The following PCMTD2 variants were observed in gnomAD, a reference collection of about 807,000 sequenced individuals.
PCMTD2 encodes protein-L-isoaspartate O-methyltransferase domain-containing protein 2.
In PCMTD2, 16 loss-of-function variants were observed where a neutral mutation model predicts 33.4. That is an observed-to-expected ratio of 0.48 (90% CI 0.32 to 0.73). The LOEUF is 0.73. Ranked by LOEUF, PCMTD2 falls within the 30% of genes least tolerant of loss-of-function variation. PCMTD2 has a pLI of 0.03. For missense variants in PCMTD2, 374 were observed against 449.9 expected (o/e 0.83, Z 1.53); for synonymous variants, 161 against 160.8 (o/e 1.00, Z -0.01).
In PCMTD2 at chr20:64,271,965, C is replaced by T. The variant is rs1227182072; in HGVS notation, c.707-1256C>T. 3 of 317,396 alleles carry T rather than the reference C, an allele frequency of 9.5e-6. No individual in the cohort carries two copies. The Admixed American group carries it at 1.2e-4, about 12-fold the overall frequency. The allele number at this position is 317,396 out of a possible 1,614,324, so 19.7% of individuals were successfully genotyped here. A position where few individuals can be genotyped will look rare whatever the true frequency, so the allele number is the denominator to read the frequency against. ...GATGAAGGAAGGAAGGATGGCTGTA[C>T]TTGAGGAGGGAGCCGGGTCACAGAT... On this transcript the variant is annotated intron_variant, in intron 5 of 5. Transcript: ENST00000308824.
At chr20:64,261,239 C>T (rs542143842) in intron 2 of PCMTD2, among the ~76,000 whole-genome samples, 2 of 152,074 alleles carry the variant, frequency 1.3e-5, no homozygotes, top group Non-Finnish European at 2.9e-5. Flanking sequence ...AAAGTTTTGC[C>T]GGAGGGGTGA....
chr20:64,257,872 AT>A lies in PCMTD2; in HGVS notation c.-25+2004del, dbSNP rs1186171737. 3.9e-5 allele frequency among the ~76,000 whole-genome samples: 6 copies of A among 152,352 alleles called. No individual in the cohort carries two copies. In the East Asian group the frequency reaches 1.2e-3, roughly 29 times the overall value. On this transcript the variant is annotated intron_variant, in intron 1 of 5. Coordinates refer to ENST00000308824, the MANE Select transcript of PCMTD2 (RefSeq NM_018257.3). The stretch of plus-strand genomic sequence containing the variant: ...AAACTGGCTATGTGATCATGAACAA[AT>A]TAACCGGCCAGCTCCAATTTGCTTC...
At chr20:64,270,074 G>T (rs1006222248) in intron 5 of PCMTD2, among the ~76,000 whole-genome samples, 7 of 146,390 alleles carry the variant, frequency 4.8e-5, no homozygotes, top group African/African-American at 1.8e-4. Flanking sequence ...GAGTGCGGGC[G>T]TGCACGGTGT....
intron 1 of PCMTD2, 39 bp from the exon 2 acceptor site, chr20:64,259,903 T>G: frequency 2.0e-6 from 2 of 1,020,196 alleles, no homozygotes; most frequent in Non-Finnish European, 3.0e-6. Flanking sequence ...GCTCTTACCT[T>G]TAACATAAAT....
chr20:64,268,421 A>G (rs576053139), intron 5 of PCMTD2, among the ~76,000 whole-genome samples: 42 of 152,328 alleles, frequency 2.8e-4, no homozygotes, highest in Non-Finnish European at 5.9e-4. Context: ...CCTCATGGGT[A>G]GACAAGGTTA....
At chr20:64,259,683 C>CCA in intron 1 of PCMTD2, 1 of 437,560 alleles carries the variant, frequency 2.3e-6, no homozygotes, top group Non-Finnish European at 4.1e-6. Context: ...ACCCACCGCA[C>CCA]CCGGCCTAAA....
At chr20:64,269,676 A>G (rs1328185036) in intron 5 of PCMTD2, among the ~76,000 whole-genome samples, 1 of 151,536 alleles carries the variant, frequency 6.6e-6, no homozygotes, top group Non-Finnish European at 1.5e-5. Flanking sequence ...TTAGACCTGC[A>G]CAATATGGGG....
intron 5 of PCMTD2, among the ~76,000 whole-genome samples, chr20:64,268,371 T>C (rs1201046094): frequency 6.6e-6 from 1 of 152,132 alleles, no homozygotes. Flanking sequence ...TCCTACAGAG[T>C]CATGGGGCTT....
Position 64,273,691 on chromosome 20 carries a change from C to T in PCMTD2, c.*91C>T. 1 of 1,147,034 alleles carries T rather than the reference C, an allele frequency of 8.7e-7. No individual in the cohort carries two copies. The highest frequency in any genetic ancestry group is 2.6e-5 in the Admixed American group (1 of 37,864). 71.1% of individuals were successfully genotyped at this position (1,147,034 alleles called of 1,614,324 possible). On this transcript the variant is annotated 3_prime_UTR_variant, in exon 6 of 6. Coordinates refer to ENST00000308824, the MANE Select transcript of PCMTD2 (RefSeq NM_018257.3). ...GTGCTGTTGAAGGGTCACCTGGAGGCAGACGTTGTGGGGAAGGGAACTGCT... is the reference window on the plus strand; with the variant it reads ...GTGCTGTTGAAGGGTCACCTGGAGGTAGACGTTGTGGGGAAGGGAACTGCT...
intron 1 of PCMTD2, among the ~76,000 whole-genome samples, chr20:64,257,791 A>G (rs752887883): frequency 3.9e-5 from 6 of 152,236 alleles, no homozygotes; most frequent in Non-Finnish European, 8.8e-5. Flanking sequence ...GTGTGGTATT[A>G]AAAACACAGG....
chr20:64,264,465 CAG>C lies in PCMTD2; in HGVS notation c.346_347del (p.Asp116CysfsTer17), dbSNP rs1568734175. The C allele has an allele frequency of 6.2e-7, 1 of 1,605,170 alleles. No individual in the cohort carries two copies. The highest frequency in any genetic ancestry group is 1.7e-5 in the Admixed American group (1 of 60,004). On this transcript the variant is annotated frameshift_variant, in exon 3 of 6. Coordinates refer to ENST00000308824, the MANE Select transcript of PCMTD2 (RefSeq NM_018257.3). LOFTEE classifies it high-confidence loss of function. ...GTGAACCATGGGGTGGAACTTCACTCAGATGTGATAGAGTATGCAAAGCAGAA... is the reference window on the plus strand; with the variant it reads ...GTGAACCATGGGGTGGAACTTCACTCATGTGATAGAGTATGCAAAGCAGAA...
intron 5 of PCMTD2, among the ~76,000 whole-genome samples, chr20:64,270,359 A>T (rs1985861792): frequency 7.6e-6 from 1 of 131,504 alleles, no homozygotes; most frequent in Non-Finnish European, 1.6e-5. Context: ...TGGCGTCGTG[A>T]GTTCAGGCAT....
At chr20:64,259,386 C>CTTTTTTTT (rs3076992) in intron 1 of PCMTD2, among the ~76,000 whole-genome samples, 1 of 118,732 alleles carries the variant, frequency 8.4e-6, no homozygotes, top group Non-Finnish European at 1.7e-5. Context: ...TTTCTTTTCT[C>CTTTTTTTT]TTTTTTTTTT....
At chr20:64,267,214 A>G (rs1985695962) in intron 4 of PCMTD2, among the ~76,000 whole-genome samples, 1 of 152,196 alleles carries the variant, frequency 6.6e-6, no homozygotes, top group Non-Finnish European at 1.5e-5. Context: ...TGGTGCTCGT[A>G]ATACTTTAAT....
rs552717575 is a variant in PCMTD2 at position 64,269,394 on chromosome 20, G to A, written c.706+1384G>A. Among the ~76,000 whole-genome samples, 112 of 152,318 alleles carry A rather than the reference G, an allele frequency of 7.4e-4. 1 individual carries two copies. In the Middle Eastern group the frequency reaches 0.031, roughly 42 times the overall value. ...CGTTCCCTGTGGGGTTCGTCTGGCC[G>A]ATGAAGAATCATGACAATGTGGTGG... On this transcript the variant is annotated intron_variant, in intron 5 of 5. Coordinates refer to ENST00000308824, the MANE Select transcript of PCMTD2 (RefSeq NM_018257.3).
In PCMTD2 at chr20:64,272,397, G is replaced by A. The variant is rs546807137; in HGVS notation, c.707-824G>A. On this transcript the variant is annotated intron_variant, in intron 5 of 5. Transcript: ENST00000308824. ...AAATCGTGAGCTTTAATTGTCAAATGTTCTTTCTCCTTGGTGTGCTTTGGA... is the reference window on the plus strand; with the variant it reads ...AAATCGTGAGCTTTAATTGTCAAATATTCTTTCTCCTTGGTGTGCTTTGGA... 2.7e-4 allele frequency among the ~76,000 whole-genome samples: 41 copies of A among 152,356 alleles called. 1 individual carries two copies. The highest frequency in any genetic ancestry group is 4.1e-4 in the Non-Finnish European group (28 of 68,036).
Position 64,273,248 on chromosome 20 carries a change from A to G in PCMTD2, c.734A>G (p.Asp245Gly). 1.2e-6 allele frequency: 2 copies of G among 1,614,060 alleles called. No individual in the cohort carries two copies. Among genetic ancestry groups the G allele is most frequent in the Non-Finnish European group, 1.7e-6 (2 of 1,179,958 alleles). ...CCAGTGGCAGTTCGCAGCCTCCAGGACTTGGCTCGCATCGCCATCCGGGGC... is the reference window on the plus strand; with the variant it reads ...CCAGTGGCAGTTCGCAGCCTCCAGGGCTTGGCTCGCATCGCCATCCGGGGC... ...LPPVAVRSLQDLARIAIRGTI... is the reference protein window; with the variant it reads ...LPPVAVRSLQGLARIAIRGTI... Residue 245 changes from aspartate (D) to glycine (G), a missense_variant, in exon 6 of 6, where the codon GAC becomes GGC. Asp to Gly is a moderately conservative substitution (Grantham distance 94). Coordinates refer to ENST00000308824, the MANE Select transcript of PCMTD2 (RefSeq NM_018257.3).
At position 64,275,768 on chromosome 20, in the gene PCMTD2, C is replaced by G. The variant is rs1363658690; in HGVS notation, c.*2168C>G. On this transcript the variant is annotated 3_prime_UTR_variant, in exon 6 of 6. Transcript: ENST00000308824. Reference sequence around the variant, plus strand: ...TAAGATCTGTCTTGTAAACCACATTCTTGACAACTATTTGCTTTTGAGTAG... The same window carrying G: ...TAAGATCTGTCTTGTAAACCACATTGTTGACAACTATTTGCTTTTGAGTAG... The G allele has an allele frequency of 6.6e-6, 1 of 152,186 alleles. No individual in the cohort carries two copies. Among genetic ancestry groups the G allele is most frequent in the East Asian group, 1.9e-4 (1 of 5,206 alleles). 9.4% of individuals were successfully genotyped at this position (152,186 alleles called of 1,614,324 possible). A position where few individuals can be genotyped will look rare whatever the true frequency, so the allele number is the denominator to read the frequency against.
chr20:64,270,163 TG>T (rs1317909744), intron 5 of PCMTD2, among the ~76,000 whole-genome samples: 1 of 105,618 alleles, frequency 9.5e-6, no homozygotes, highest in East Asian at 3.1e-4. Flanking sequence ...GCATGCACGT[TG>T]TGGGGTCGTG....
Sources: gnomAD v4.1 joint callset for allele counts (sites outside exome capture counted in the v4.1 genomes callset) on GRCh38, gnomAD v4.1.1 for gene constraint, MANE v1.5 for transcripts, NCBI Gene and HGNC (gene_info 2026-07-23, HGNC 2026-07-21) for gene names.